ABTB3: variants seen among roughly 807,000 people sequenced by gnomAD.
ABTB3 encodes ankyrin repeat and BTB domain containing 3.
At chr12:107,423,844 G>A in the ABTB3 span, among the ~76,000 whole-genome samples, 3 of 152,232 alleles carry the variant, frequency 2.0e-5, no homozygotes, top group Admixed American at 6.5e-5. Flanking sequence ...CTTCATTGAA[G>A]TAACAGTTCC....
the ABTB3 span, among the ~76,000 whole-genome samples, chr12:107,391,382 G>A: frequency 6.6e-6 from 1 of 152,160 alleles, no homozygotes; most frequent in Admixed American, 6.5e-5. Flanking sequence ...CTCTTGTAAG[G>A]GAGGCTGATT....
At chr12:107,645,502 G>A in the ABTB3 span, among the ~76,000 whole-genome samples, 1 of 152,104 alleles carries the variant, frequency 6.6e-6, no homozygotes, top group Non-Finnish European at 1.5e-5. Context: ...CTGACTCCCA[G>A]ACCTGTTCTC....
chr12:107,403,367 C>G, the ABTB3 span, among the ~76,000 whole-genome samples: 6 of 152,210 alleles, frequency 3.9e-5, no homozygotes, highest in South Asian at 6.2e-4. Flanking sequence ...TCACCGGGCT[C>G]TATTTCCAGA....
chr12:107,493,411 C>T, the ABTB3 span, among the ~76,000 whole-genome samples: 47 of 152,296 alleles, frequency 3.1e-4, no homozygotes, highest in African/African-American at 9.4e-4. Context: ...TTGCAGGCAA[C>T]GTTTTCCCAG....
At chr12:107,625,944 G>A in the ABTB3 span, among the ~76,000 whole-genome samples, 65 of 152,236 alleles carry the variant, frequency 4.3e-4, no homozygotes, top group African/African-American at 1.5e-3. Flanking sequence ...TGTGCTGTTC[G>A]GCTGGAGTAG....
At chr12:107,330,320 T>G in the ABTB3 span, among the ~76,000 whole-genome samples, 1 of 152,126 alleles carries the variant, frequency 6.6e-6, no homozygotes, top group Non-Finnish European at 1.5e-5. Context: ...CATGTTGGCA[T>G]TAGTTCAGAG....
chr12:107,530,717 G>A, the ABTB3 span, among the ~76,000 whole-genome samples: 1 of 152,154 alleles, frequency 6.6e-6, no homozygotes. Context: ...TCATGTGGAT[G>A]TACTAGAGTT....
At chr12:107,657,817 G>A in the ABTB3 span, 2 of 1,334,062 alleles carry the variant, frequency 1.5e-6, no homozygotes, top group Non-Finnish European at 2.1e-6. Context: ...ACCTGTTTTT[G>A]GCTGGGCCAA....
chr12:107,497,703 G>C, the ABTB3 span, among the ~76,000 whole-genome samples: 1 of 152,172 alleles, frequency 6.6e-6, no homozygotes, highest in African/African-American at 2.4e-5. Flanking sequence ...TGTCCTGGGA[G>C]GGACAGCTTT....
the ABTB3 span, among the ~76,000 whole-genome samples, chr12:107,507,535 A>G: frequency 6.6e-6 from 1 of 152,256 alleles, no homozygotes; most frequent in East Asian, 1.9e-4. Flanking sequence ...ACCAGAATTG[A>G]TTCCTAAGGA....
At chr12:107,592,965 A>T in the ABTB3 span, among the ~76,000 whole-genome samples, 1 of 152,244 alleles carries the variant, frequency 6.6e-6, no homozygotes, top group Admixed American at 6.5e-5. Context: ...GCAGTAACAC[A>T]TTGAGAAAGC....
chr12:107,556,043 G>A, the ABTB3 span, among the ~76,000 whole-genome samples: 2 of 151,824 alleles, frequency 1.3e-5, no homozygotes, highest in Admixed American at 6.6e-5. Flanking sequence ...TGTCTTCTAA[G>A]TGCCTTAGCT....
the ABTB3 span, among the ~76,000 whole-genome samples, chr12:107,534,475 C>T: frequency 6.6e-6 from 1 of 151,756 alleles, no homozygotes; most frequent in East Asian, 1.9e-4. Flanking sequence ...GAAATAGAGA[C>T]TAAAAAACAA....
the ABTB3 span, among the ~76,000 whole-genome samples, chr12:107,323,685 C>A: frequency 6.6e-6 from 1 of 152,174 alleles, no homozygotes; most frequent in Non-Finnish European, 1.5e-5. Context: ...TCCTTTAGAG[C>A]TGGCCAGTTC....
chr12:107,410,543 G>A, the ABTB3 span, among the ~76,000 whole-genome samples: 1 of 152,234 alleles, frequency 6.6e-6, no homozygotes, highest in Non-Finnish European at 1.5e-5. Flanking sequence ...AGTTCCTGCA[G>A]TGAAATGGGT....
chr12:107,626,343 C>CTTTTTTTTT, the ABTB3 span, among the ~76,000 whole-genome samples: 5 of 112,512 alleles, frequency 4.4e-5, no homozygotes, highest in African/African-American at 1.4e-4. Context: ...CTATCGTCAT[C>CTTTTTTTTT]TTTTTTTTTT....
At chr12:107,619,978 C>A in the ABTB3 span, 1 of 1,597,564 alleles carries the variant, frequency 6.3e-7, no homozygotes, top group Non-Finnish European at 8.5e-7. Flanking sequence ...CTCCTCTCCC[C>A]GCTCCAGGCG....
At chr12:107,611,402 A>C in the ABTB3 span, among the ~76,000 whole-genome samples, 1 of 152,096 alleles carries the variant, frequency 6.6e-6, no homozygotes, top group Admixed American at 6.6e-5. Flanking sequence ...GCTTGTCTTG[A>C]ACTCTTGGCC....
the ABTB3 span, among the ~76,000 whole-genome samples, chr12:107,478,351 C>T: frequency 2.0e-5 from 3 of 152,116 alleles, no homozygotes; most frequent in Non-Finnish European, 2.9e-5. Context: ...TCAAGCTAGG[C>T]GAGATGGTCA....
Sources: allele counts gnomAD v4.1 joint callset (sites outside exome capture counted in the v4.1 genomes callset), GRCh38; gene constraint gnomAD v4.1.1; transcripts MANE v1.5; gene names NCBI Gene and HGNC (gene_info 2026-07-23, HGNC 2026-07-21).